ARPIN: variants seen among roughly 807,000 people sequenced by gnomAD.
The protein encoded by ARPIN is UPF0552 protein C15orf38.
ARPIN carries 23 observed loss-of-function variants against 25.9 expected under a neutral mutation model. The observed-to-expected ratio is 0.89, with a 90% CI of 0.64 to 1.26. ARPIN has a LOEUF of 1.26. Among genes scored for constraint, ARPIN ranks in the 50% most tolerant of loss-of-function variants. The probability of loss-of-function intolerance (pLI) is 0.00; values close to 1 mark genes in which losing one functional copy is unlikely to be tolerated. For synonymous variants in ARPIN, 126 were observed against 131.4 expected (o/e 0.96, Z 0.28); for missense variants, 333 against 312.2 (o/e 1.07, Z -0.50).
In ARPIN at chr15:89,908,722, G is replaced by C. The variant is rs879686145; in HGVS notation, c.169-310C>G. On this transcript the variant is annotated intron_variant, in intron 2 of 5. Coordinates refer to ENST00000357484, the MANE Select transcript of ARPIN (RefSeq NM_182616.4). ...ACTTGGGCTGGGCACAGTGGCTCACGTCTGTAATCCCAGCACTTTGGGAGG... is the reference window on the plus strand; with the variant it reads ...ACTTGGGCTGGGCACAGTGGCTCACCTCTGTAATCCCAGCACTTTGGGAGG... Among the ~76,000 whole-genome samples the C allele has an allele frequency of 2.0e-5, 3 of 152,210 alleles. No individual in the cohort carries two copies. In the East Asian group the frequency reaches 5.8e-4, roughly 29 times the overall value.
intron 5 of ARPIN, chr15:89,902,918 T>C: frequency 7.5e-7 from 1 of 1,325,008 alleles, no homozygotes; most frequent in Non-Finnish European, 9.7e-7. Context: ...GAAGTAGAAA[T>C]GTTTTGAGAC....
At chr15:89,910,699 C>T (rs749249217) in intron 2 of ARPIN, 45 bp downstream of exon 2, 9 of 1,612,326 alleles carry the variant, frequency 5.6e-6, no homozygotes, top group Middle Eastern at 1.7e-4. Flanking sequence ...GGATGATGAC[C>T]GTGAAGTCAG....
chr15:89,903,430 A>T, intron 4 of ARPIN, 51 bp from the exon 5 acceptor site: 1 of 1,609,686 alleles, frequency 6.2e-7, no homozygotes, highest in Non-Finnish European at 8.5e-7. Flanking sequence ...GCAGAAACAT[A>T]GTGAGGGCTG....
chr15:89,912,665 C>T, intron 1 of ARPIN, 79 bp downstream of exon 1: 2 of 489,666 alleles, frequency 4.1e-6, no homozygotes, highest in Non-Finnish European at 5.3e-6. Flanking sequence ...CACCCGCATC[C>T]CACCCCCCCA....
At position 89,908,319 on chromosome 15, in the gene ARPIN, T is replaced by C. The variant is rs560337977; in HGVS notation, c.262A>G (p.Thr88Ala). 2 of 1,614,148 alleles carry C rather than the reference T, an allele frequency of 1.2e-6. No individual in the cohort carries two copies. Among genetic ancestry groups the C allele is most frequent in the South Asian group, 2.2e-5 (2 of 91,076 alleles). Residue 88 changes from threonine (T) to alanine (A), a missense_variant, in exon 3 of 6, where the codon ACC (threonine) becomes GCC (alanine). Physicochemically the swap from Thr to Ala is moderately conservative, Grantham distance 58 (BLOSUM62 0). Transcript: ENST00000357484. ...GNEIEPNFSA[T>A]RKVNTGFLMS... Reference sequence around the variant, plus strand: ...AGGAAGCCCGTGTTCACCTTCCTGGTGGCGCTGAAGTTGGGCTCGATTTCA... The same window carrying C: ...AGGAAGCCCGTGTTCACCTTCCTGGCGGCGCTGAAGTTGGGCTCGATTTCA...
rs1407688507 is a variant in ARPIN, at chr15:89,906,822, G to A, written c.301+1458C>T. Among the ~76,000 whole-genome samples, 4 of 152,044 alleles carry A rather than the reference G, an allele frequency of 2.6e-5. No individual in the cohort carries two copies. The East Asian group carries it at 7.8e-4, about 30-fold the overall frequency. On this transcript the variant is annotated intron_variant, in intron 3 of 5. Transcript: ENST00000357484. ...ATGGAGGGCTTGCTATGGTTGGAAT[G>A]TATCCCCCAAAATTCGTACGTTAAC... is the stretch of plus-strand genomic sequence containing the variant.
rs763151762 is a variant in ARPIN at position 89,904,000 on chromosome 15, C to G, written c.302-17G>C. ...CTTCCACCTCTGCAGGCACAGAGCG[C>G]AGGAGGGTCATTATCACTGTGGCAG... On this transcript the variant is annotated splice_polypyrimidine_tract_variant and intron_variant, in intron 3 of 5. Coordinates refer to ENST00000357484, the MANE Select transcript of ARPIN (RefSeq NM_182616.4). The G allele has an allele frequency of 6.3e-7, 1 of 1,589,904 alleles. No homozygotes were observed. The highest frequency in any genetic ancestry group is 8.5e-7 in the Non-Finnish European group (1 of 1,170,194).
chr15:89,903,594 C>T (rs1897063407), intron 4 of ARPIN, among the ~76,000 whole-genome samples, 183 bp downstream of exon 4: 2 of 152,220 alleles, frequency 1.3e-5, no homozygotes, highest in Admixed American at 1.3e-4. Context: ...GGGATCCAGG[C>T]TGTCGAGCCC....
intron 1 of ARPIN, 66 bp downstream of exon 1, chr15:89,912,678 C>CCCCCA: frequency 1.6e-6 from 2 of 1,219,106 alleles, no homozygotes; most frequent in Non-Finnish European, 2.1e-6. Flanking sequence ...CCCCCCCACC[C>CCCCCA]GATCCTGTTG....
At chr15:89,902,725 G>C (rs1460731504) in intron 5 of ARPIN, 12 of 458,988 alleles carry the variant, frequency 2.6e-5, no homozygotes, top group Non-Finnish European at 3.5e-5. Context: ...GAAAAGAAAT[G>C]AAAAGAAAAG....
intron 1 of ARPIN, 82 bp downstream of exon 1, chr15:89,912,662 A>AGGGGGGGGC: frequency 3.0e-6 from 2 of 661,660 alleles, no homozygotes; most frequent in Non-Finnish European, 3.9e-6. Flanking sequence ...CCCCACCCGC[A>AGGGGGGGGC]TCCCACCCCC....
At chr15:89,908,722 G>A (rs879686145) in intron 2 of ARPIN, among the ~76,000 whole-genome samples, 10 of 152,092 alleles carry the variant, frequency 6.6e-5, no homozygotes, top group East Asian at 1.9e-4. Context: ...AGTGGCTCAC[G>A]TCTGTAATCC....
At chr15:89,902,961 C>T (rs1567194728) in intron 5 of ARPIN, 1 of 1,416,732 alleles carries the variant, frequency 7.1e-7, no homozygotes, top group Non-Finnish European at 9.2e-7. Context: ...CTCTGCACCC[C>T]CTCCTTCCTA....
intron 3 of ARPIN, among the ~76,000 whole-genome samples, chr15:89,907,372 A>G (rs1567196366): frequency 1.3e-5 from 2 of 152,032 alleles, no homozygotes; most frequent in African/African-American, 4.8e-5. Context: ...TCACCCTAAA[A>G]TTTTTTTAAA....
rs770596987 is a variant in ARPIN at position 89,896,464 on chromosome 15, G to C, written c.*5331C>G. On this transcript the variant is annotated 3_prime_UTR_variant, in exon 6 of 6. Coordinates refer to ENST00000357484, the MANE Select transcript of ARPIN (RefSeq NM_182616.4). Reference sequence around the variant, plus strand: ...TAAATACTATTAGGATAACTGGTTAGCAATTTGAAAATAAGTAGTTAGGTA... The same window carrying C: ...TAAATACTATTAGGATAACTGGTTACCAATTTGAAAATAAGTAGTTAGGTA... The C allele has an allele frequency of 4.6e-5, 7 of 152,190 alleles. No homozygotes were observed. The highest frequency in any genetic ancestry group is 8.8e-5 in the Non-Finnish European group (6 of 68,044). 9.4% of individuals were successfully genotyped at this position (152,190 alleles called of 1,614,324 possible). A position where few individuals can be genotyped will look rare whatever the true frequency, so the allele number is the denominator to read the frequency against.
At chr15:89,904,838 A>C (rs906041470) in intron 3 of ARPIN, among the ~76,000 whole-genome samples, 2 of 152,134 alleles carry the variant, frequency 1.3e-5, no homozygotes, top group Non-Finnish European at 2.9e-5. Flanking sequence ...CATGGTGTAC[A>C]ACCTCAGCCA....
At position 89,900,098 on chromosome 15, in the gene ARPIN, G is replaced by A. The variant is rs1896994489; in HGVS notation, c.*1697C>T. 1 of 152,300 alleles carries A rather than the reference G, an allele frequency of 6.6e-6. No homozygotes were observed. Among genetic ancestry groups the A allele is most frequent in the Admixed American group, 6.5e-5 (1 of 15,278 alleles). 9.4% of individuals were successfully genotyped at this position (152,300 alleles called of 1,614,324 possible). The stretch of plus-strand genomic sequence containing the variant: ...CACTGGGTGACTCTACCCCCAGTCA[G>A]TGTCCCCAGCTATCCTTCTGCTCAA... On this transcript the variant is annotated 3_prime_UTR_variant, in exon 6 of 6. Transcript: ENST00000357484.
intron 3 of ARPIN, among the ~76,000 whole-genome samples, chr15:89,907,139 G>C (rs1466453740): frequency 6.6e-6 from 1 of 151,342 alleles, no homozygotes; most frequent in Non-Finnish European, 1.5e-5. Flanking sequence ...TGCAATCTCG[G>C]CTCACTGCAC....
intron 1 of ARPIN, 116 bp from the exon 2 acceptor site, chr15:89,910,935 C>A: frequency 8.0e-7 from 1 of 1,244,950 alleles, no homozygotes; most frequent in South Asian, 1.3e-5. Flanking sequence ...CTCCTTTCCC[C>A]GTGCTTCCGA....
Sources: allele counts gnomAD v4.1 joint callset (sites outside exome capture counted in the v4.1 genomes callset), GRCh38; gene constraint gnomAD v4.1.1; transcripts MANE v1.5; gene names NCBI Gene and HGNC (gene_info 2026-07-23, HGNC 2026-07-21).